CNTN5: variants seen among roughly 807,000 people sequenced by gnomAD.
CNTN5 encodes the protein contactin 5.
A neutral mutation model predicts 129.1 loss-of-function variants in CNTN5; 77 were observed. The observed-to-expected ratio is 0.60, with a 90% CI of 0.50 to 0.72. The LOEUF (loss-of-function observed/expected upper bound fraction) is 0.72. Ranked by LOEUF, CNTN5 falls within the 30% of genes least tolerant of loss-of-function variation. The probability of loss-of-function intolerance (pLI) is 0.00; values close to 1 mark genes in which losing one functional copy is unlikely to be tolerated. For missense variants in CNTN5, 1,478 were observed against 1,328.8 expected (o/e 1.11, Z -1.75); for synonymous variants, 509 against 465.6 (o/e 1.09, Z -1.20).
intron 3 of CNTN5, among the ~76,000 whole-genome samples, chr11:99,766,704 C>T (rs926789527): frequency 3.9e-5 from 6 of 152,004 alleles, no homozygotes; most frequent in Admixed American, 3.9e-4. Context: ...TCAAATTTAT[C>T]TGTGGAACTG....
chr11:100,238,595 G>A (rs1392403252), intron 16 of CNTN5, among the ~76,000 whole-genome samples: 2 of 151,740 alleles, frequency 1.3e-5, no homozygotes, highest in Non-Finnish European at 2.9e-5. Flanking sequence ...AAAAGAAGAA[G>A]AAGAAGAGGG....
intron 2 of CNTN5, among the ~76,000 whole-genome samples, chr11:99,425,780 T>C (rs1256878918): frequency 2.0e-5 from 3 of 152,210 alleles, no homozygotes; most frequent in Non-Finnish European, 4.4e-5. Flanking sequence ...GTGGGGCTCC[T>C]GCCAGCTCAG....
rs532959358 is a variant in CNTN5 at position 99,574,771 on chromosome 11, C to T, written c.55+18502C>T. Reference sequence around the variant, plus strand: ...TTGATGGGGTTGTTTGTTTTTTTTTCCTGTAAACGTGTTTTAAGTTTCTTG... The same window carrying T: ...TTGATGGGGTTGTTTGTTTTTTTTTTCTGTAAACGTGTTTTAAGTTTCTTG... On this transcript the variant is annotated intron_variant, in intron 3 of 24. Transcript: ENST00000524871. Among the ~76,000 whole-genome samples the T allele has an allele frequency of 5.4e-4, 81 of 149,874 alleles. 1 individual carries two copies. Among genetic ancestry groups the T allele is most frequent in the Middle Eastern group, 3.4e-3 (1 of 290 alleles).
intron 16 of CNTN5, among the ~76,000 whole-genome samples, chr11:100,237,483 G>A (rs1949645876): frequency 6.6e-6 from 1 of 152,152 alleles, no homozygotes; most frequent in African/African-American, 2.4e-5. Flanking sequence ...GGAAGGACTA[G>A]CGTTAATTGG....
intron 1 of CNTN5, among the ~76,000 whole-genome samples, chr11:99,048,815 C>T (rs1384967236): frequency 1.3e-5 from 2 of 152,142 alleles, no homozygotes; most frequent in Non-Finnish European, 2.9e-5. Flanking sequence ...ACATCTTAAG[C>T]CCACATCTTA....
chr11:99,172,881 C>A (rs374378713), intron 1 of CNTN5, among the ~76,000 whole-genome samples: 1 of 152,094 alleles, frequency 6.6e-6, no homozygotes, highest in Non-Finnish European at 1.5e-5. Context: ...AAGTATAATT[C>A]TTGTATTAGT....
At chr11:99,265,825 T>C (rs976891953) in intron 1 of CNTN5, among the ~76,000 whole-genome samples, 1 of 152,058 alleles carries the variant, frequency 6.6e-6, no homozygotes, top group Non-Finnish European at 1.5e-5. Context: ...TAATAAAATC[T>C]CATTCACTCG....
At chr11:100,270,784 A>G (rs536400848) in intron 17 of CNTN5, among the ~76,000 whole-genome samples, 6 of 152,348 alleles carry the variant, frequency 3.9e-5, no homozygotes, top group Admixed American at 3.3e-4. Flanking sequence ...TTATAGTTCT[A>G]ATTGGCCCCT....
At chr11:99,181,950 A>C (rs567936274) in intron 1 of CNTN5, among the ~76,000 whole-genome samples, 6 of 152,306 alleles carry the variant, frequency 3.9e-5, no homozygotes, top group South Asian at 4.1e-4. Context: ...GGTATTATAT[A>C]AAATGACCTT....
At chr11:99,553,444 A>G (rs1426763479) in intron 2 of CNTN5, among the ~76,000 whole-genome samples, 2 of 152,122 alleles carry the variant, frequency 1.3e-5, no homozygotes, top group African/African-American at 4.8e-5. Context: ...CAGGAATTTT[A>G]TTAAAGTCAT....
chr11:99,822,909 G>A (rs950399352), intron 4 of CNTN5, among the ~76,000 whole-genome samples: 1 of 152,022 alleles, frequency 6.6e-6, no homozygotes, highest in African/African-American at 2.4e-5. Context: ...TGTCTTTTTT[G>A]CTTTCTGGCT....
At chr11:100,291,128 G>A (rs1313247735) in intron 18 of CNTN5, among the ~76,000 whole-genome samples, 2 of 149,044 alleles carry the variant, frequency 1.3e-5, no homozygotes, top group Non-Finnish European at 3.0e-5. Context: ...GAGAGGATGT[G>A]GAGAAATAGG....
chr11:99,288,587 G>A (rs1421744257), intron 1 of CNTN5, among the ~76,000 whole-genome samples: 1 of 151,664 alleles, frequency 6.6e-6, no homozygotes, highest in African/African-American at 2.4e-5. Flanking sequence ...TAATCACCAT[G>A]GATGATGACT....
At chr11:100,287,339 G>C (rs1332022016) in intron 18 of CNTN5, among the ~76,000 whole-genome samples, 1 of 150,848 alleles carries the variant, frequency 6.6e-6, no homozygotes, top group Admixed American at 6.6e-5. Flanking sequence ...AGGAAAAAAT[G>C]TTAAGGGCAG....
At chr11:99,845,675 C>T (rs572938284) in intron 6 of CNTN5, among the ~76,000 whole-genome samples, 1 of 152,102 alleles carries the variant, frequency 6.6e-6, no homozygotes, top group South Asian at 2.1e-4. Context: ...CCCGGCCCTT[C>T]TTGGGATATT....
At chr11:99,847,876 T>G (rs935018878) in intron 6 of CNTN5, among the ~76,000 whole-genome samples, 3 of 152,020 alleles carry the variant, frequency 2.0e-5, no homozygotes, top group African/African-American at 7.2e-5. Flanking sequence ...AAGGGGTTCC[T>G]GAAATGAAGT....
chr11:99,965,317 T>C (rs528687196), intron 8 of CNTN5, among the ~76,000 whole-genome samples: 30 of 152,264 alleles, frequency 2.0e-4, no homozygotes, highest in African/African-American at 5.1e-4. Flanking sequence ...AATTTCCCTA[T>C]ACACACTGCT....
intron 3 of CNTN5, among the ~76,000 whole-genome samples, chr11:99,659,679 C>T (rs543253789): frequency 2.3e-4 from 35 of 152,238 alleles, no homozygotes; most frequent in African/African-American, 7.2e-4. Context: ...CCTCTGGAAA[C>T]CTCAGTCTTT....
At chr11:99,350,025 T>G (rs1282776203) in intron 2 of CNTN5, among the ~76,000 whole-genome samples, 1 of 152,208 alleles carries the variant, frequency 6.6e-6, no homozygotes, top group Non-Finnish European at 1.5e-5. Context: ...TGTGGAAGAA[T>G]ATTTTTTTCA....
Sources: gnomAD v4.1 joint callset for allele counts (sites outside exome capture counted in the v4.1 genomes callset) on GRCh38, gnomAD v4.1.1 for gene constraint, MANE v1.5 for transcripts, NCBI Gene and HGNC (gene_info 2026-07-23, HGNC 2026-07-21) for gene names.